Variants in EPB41L2 observed in about 807,000 individuals in gnomAD.
EPB41L2 encodes erythrocyte membrane protein band 4.1 like 2, also known as band 4.1-like protein 2.
Under a neutral mutation model 113.0 loss-of-function variants are expected in EPB41L2, and 43 were observed. That is an observed-to-expected ratio of 0.38 (90% CI 0.30 to 0.49). EPB41L2 has a LOEUF of 0.49. Ranked by LOEUF, EPB41L2 falls within the 20% of genes least tolerant of loss-of-function variation. The probability of loss-of-function intolerance (pLI) is 0.95; values close to 1 mark genes in which losing one functional copy is unlikely to be tolerated. For synonymous variants in EPB41L2, 442 were observed against 436.7 expected, an observed-to-expected ratio of 1.01 and a Z score of -0.15; for missense variants, 1,147 against 1,223.4, an observed-to-expected ratio of 0.94 and a Z score of 0.93.
At chr6:131,058,135 T>C (rs913667813) in intron 1 of EPB41L2, among the ~76,000 whole-genome samples, 1 of 152,178 alleles carries the variant, frequency 6.6e-6, no homozygotes, top group Admixed American at 6.5e-5. Flanking sequence ...GAGGTATCTG[T>C]GAAGTGAAAA....
rs762822784 is a variant in EPB41L2 at position 130,895,107 on chromosome 6, C to T, written c.1249G>A (p.Val417Met). The T allele has an allele frequency of 1.9e-6, 3 of 1,610,536 alleles. No individual in the cohort carries two copies. Among genetic ancestry groups the T allele is most frequent in the Non-Finnish European group, 2.5e-6 (3 of 1,177,950 alleles). The change falls in exon 9 of 20, where the codon GTG becomes ATG. Residue 417 changes from valine to methionine, a missense_variant. Transcript: ENST00000337057. ...DLHHAKDSEGVDIKLGVCANG... is the reference protein window; with the variant it reads ...DLHHAKDSEGMDIKLGVCANG... ...GCACACACGCCCAGCTTGATGTCCACACCTTCTGAGTCCTGCCAAGCATAA... is the reference window on the plus strand; with the variant it reads ...GCACACACGCCCAGCTTGATGTCCATACCTTCTGAGTCCTGCCAAGCATAA...
At chr6:131,001,422 C>T (rs1214804397) in intron 1 of EPB41L2, among the ~76,000 whole-genome samples, 3 of 152,070 alleles carry the variant, frequency 2.0e-5, no homozygotes, top group African/African-American at 7.2e-5. Flanking sequence ...CTTTTTGGTA[C>T]AACACTAGAG....
intron 3 of EPB41L2, among the ~76,000 whole-genome samples, chr6:130,942,973 C>T (rs1811410303): frequency 6.6e-6 from 1 of 152,246 alleles, no homozygotes; most frequent in South Asian, 2.1e-4. Flanking sequence ...ATATGTGCCA[C>T]ATTTTCTTTA....
chr6:130,926,660 T>G lies in EPB41L2; in HGVS notation c.755A>C (p.Asn252Thr). The G allele has an allele frequency of 6.2e-7, 1 of 1,610,436 alleles. No homozygotes were observed. The highest frequency in any genetic ancestry group is 8.5e-7 in the Non-Finnish European group (1 of 1,179,192). ...TCCAAAGTAGTCTTTCTCCAAGAGA[T>G]TGAGGTGTTCACACACTTTGTCAAA... ...VLFDKVCEHL[N>T]LLEKDYFGLL... Residue 252 changes from asparagine to threonine, a missense_variant, in exon 4 of 20, where the codon AAT (asparagine) becomes ACT (threonine). Coordinates refer to ENST00000337057, the MANE Select transcript of EPB41L2 (RefSeq NM_001431.4).
intron 11 of EPB41L2, among the ~76,000 whole-genome samples, chr6:130,888,778 A>G (rs1791863327): frequency 6.6e-6 from 1 of 152,254 alleles, no homozygotes; most frequent in Non-Finnish European, 1.5e-5. Context: ...ATACTTTAGC[A>G]GTGATAGTAC....
intron 1 of EPB41L2, among the ~76,000 whole-genome samples, chr6:131,051,547 A>G (rs1796562698): frequency 6.6e-6 from 1 of 152,030 alleles, no homozygotes; most frequent in Admixed American, 6.6e-5. Context: ...GAAGATGGAA[A>G]GCAGATGTAC....
intron 11 of EPB41L2, among the ~76,000 whole-genome samples, chr6:130,886,321 A>C (rs557272485): frequency 6.6e-6 from 1 of 152,210 alleles, no homozygotes; most frequent in East Asian, 1.9e-4. Context: ...TCCAAAACTT[A>C]ATTCTTTTCC....
intron 1 of EPB41L2, among the ~76,000 whole-genome samples, chr6:130,969,970 G>A (rs1489595102): frequency 6.6e-6 from 1 of 152,116 alleles, no homozygotes; most frequent in Non-Finnish European, 1.5e-5. Flanking sequence ...TCATGTTAAA[G>A]ATAGCCTGAC....
intron 5 of EPB41L2, among the ~76,000 whole-genome samples, chr6:130,906,040 CA>C (rs1312190466): frequency 6.6e-6 from 1 of 152,158 alleles, no homozygotes; most frequent in East Asian, 1.9e-4. Context: ...TCCTGAATAT[CA>C]AGATATATGA....
rs75433217 is a variant in EPB41L2, at chr6:130,869,243, G to A, written c.2607+320C>T. 4.1e-3 allele frequency among the ~76,000 whole-genome samples: 618 copies of A among 152,170 alleles called. 10 individuals are homozygous for A. The highest frequency in any genetic ancestry group is 0.029 in the East Asian group (152 of 5,186). ...AAGGCATTTAGTGTGAGGAAGCAGT[G>A]CAACTGAAGACAAAACAGTTGAAAA... On this transcript the variant is annotated intron_variant, in intron 15 of 19. Transcript: ENST00000337057.
chr6:130,958,817 A>C (rs1213016366), intron 1 of EPB41L2, among the ~76,000 whole-genome samples: 1 of 152,228 alleles, frequency 6.6e-6, no homozygotes, highest in Non-Finnish European at 1.5e-5. Flanking sequence ...GTGTTATTTT[A>C]AAGGCAATGT....
chr6:130,894,498 A>C, intron 9 of EPB41L2, 57 bp from the exon 10 acceptor site: 2 of 1,483,550 alleles, frequency 1.3e-6, no homozygotes, highest in Non-Finnish European at 1.9e-6. Context: ...ACTAGAAGTT[A>C]CTGAAAAGCA....
intron 19 of EPB41L2, among the ~76,000 whole-genome samples, chr6:130,855,919 C>G (rs1002366899): frequency 6.6e-6 from 1 of 152,006 alleles, no homozygotes; most frequent in Non-Finnish European, 1.5e-5. Context: ...TACCATGTAT[C>G]AAGACCCATT....
At chr6:131,033,886 A>AG (rs1792750057) in intron 1 of EPB41L2, among the ~76,000 whole-genome samples, 1 of 152,262 alleles carries the variant, frequency 6.6e-6, no homozygotes, top group South Asian at 2.1e-4. Flanking sequence ...AGCATTGTGA[A>AG]CATACTTCAT....
chr6:130,857,423 A>T (rs1375185891), intron 19 of EPB41L2, among the ~76,000 whole-genome samples: 2 of 152,184 alleles, frequency 1.3e-5, no homozygotes, highest in Non-Finnish European at 2.9e-5. Context: ...TTTCTCTGCC[A>T]AGCACATTAA....
At chr6:130,956,758 CT>C (rs1225322495) in intron 1 of EPB41L2, among the ~76,000 whole-genome samples, 1 of 152,158 alleles carries the variant, frequency 6.6e-6, no homozygotes, top group African/African-American at 2.4e-5. Context: ...ATAGCTAGAA[CT>C]TAAAATCATC....
intron 14 of EPB41L2, chr6:130,876,626 G>A (rs1582973027): frequency 1.7e-6 from 2 of 1,147,584 alleles, no homozygotes; most frequent in Non-Finnish European, 2.3e-6. Flanking sequence ...AGAAACAAAA[G>A]GAAAGGGGGA....
chr6:131,054,998 C>A (rs188471470), intron 1 of EPB41L2, among the ~76,000 whole-genome samples: 18 of 152,364 alleles, frequency 1.2e-4, no homozygotes, highest in African/African-American at 3.4e-4. Flanking sequence ...GTGGCATACG[C>A]AGTCTGTCAG....
At chr6:131,043,432 C>T (rs1210607770) in intron 1 of EPB41L2, among the ~76,000 whole-genome samples, 1 of 151,522 alleles carries the variant, frequency 6.6e-6, no homozygotes, top group Non-Finnish European at 1.5e-5. Context: ...AAAACTGAAC[C>T]AGAAGATGAT....
Sources: gnomAD v4.1 joint callset for allele counts (sites outside exome capture counted in the v4.1 genomes callset) on GRCh38, gnomAD v4.1.1 for gene constraint, MANE v1.5 for transcripts, NCBI Gene and HGNC (gene_info 2026-07-23, HGNC 2026-07-21) for gene names.